The following XKR4 variants were observed in gnomAD, a reference collection of about 807,000 sequenced individuals.
XKR4 encodes XK-related protein 4.
XKR4 carries 12 observed loss-of-function variants against 53.9 expected under a neutral mutation model. The ratio of observed to expected loss-of-function variants is 0.22; its 90% confidence interval spans 0.14 to 0.36. The LOEUF (loss-of-function observed/expected upper bound fraction) is 0.36. Ranked by LOEUF, XKR4 falls within the 10% of genes least tolerant of loss-of-function variation. The probability of loss-of-function intolerance (pLI) is 1.00; values close to 1 mark genes in which losing one functional copy is unlikely to be tolerated. For synonymous variants in XKR4, 354 were observed against 362.4 expected (o/e 0.98, Z 0.26); for missense variants, 799 against 859.5 (o/e 0.93, Z 0.88).
intron 2 of XKR4, among the ~76,000 whole-genome samples, chr8:55,368,456 C>T (rs1310907721): frequency 1.3e-5 from 2 of 152,194 alleles, no homozygotes; most frequent in African/African-American, 4.8e-5. Context: ...CAGGCCCTGG[C>T]TGCTGCCCCA....
chr8:55,404,957 G>A (rs758670471), intron 2 of XKR4, among the ~76,000 whole-genome samples: 20 of 152,104 alleles, frequency 1.3e-4, no homozygotes, highest in Non-Finnish European at 2.4e-4. Flanking sequence ...GTTGCGCTGC[G>A]GCTTTATGTG....
chr8:55,487,699 C>T (rs1806215481), intron 2 of XKR4, among the ~76,000 whole-genome samples: 1 of 152,116 alleles, frequency 6.6e-6, no homozygotes, highest in Admixed American at 6.5e-5. Context: ...GAACTCCTGG[C>T]CTCATGTGAT....
At chr8:55,392,375 A>G (rs1202978812) in intron 2 of XKR4, among the ~76,000 whole-genome samples, 2 of 152,228 alleles carry the variant, frequency 1.3e-5, no homozygotes, top group African/African-American at 2.4e-5. Context: ...TTAAAAGAAA[A>G]CCAAAGCCAA....
rs1807106431 is a variant in XKR4 at position 55,541,878 on chromosome 8, GCA to G, written c.*17654_*17655del. Reference sequence around the variant, plus strand: ...GTGACCCCCAGTGCCCTAGTTTGAAGCACAGTGTGTGGAGTATTTGATGTACT... The same window carrying G: ...GTGACCCCCAGTGCCCTAGTTTGAAGCAGTGTGTGGAGTATTTGATGTACT... On this transcript the variant is annotated 3_prime_UTR_variant, in exon 3 of 3. Transcript: ENST00000327381. 1 of 152,094 alleles carries G rather than the reference GCA, an allele frequency of 6.6e-6. No homozygotes were observed. The highest frequency in any genetic ancestry group is 1.5e-5 in the Non-Finnish European group (1 of 68,010). 9.4% of individuals were successfully genotyped at this position (152,094 alleles called of 1,614,324 possible). A position where few individuals can be genotyped will look rare whatever the true frequency, so the allele number is the denominator to read the frequency against.
At chr8:55,497,807 G>T (rs1806374360) in intron 2 of XKR4, among the ~76,000 whole-genome samples, 1 of 152,204 alleles carries the variant, frequency 6.6e-6, no homozygotes, top group Non-Finnish European at 1.5e-5. Context: ...ATTCTTGTGA[G>T]ATCCAAGCCG....
At chr8:55,311,829 C>CAAAAAAAA (rs57826022) in intron 1 of XKR4, among the ~76,000 whole-genome samples, 51 of 98,586 alleles carry the variant, frequency 5.2e-4, no homozygotes, top group African/African-American at 1.6e-3. Context: ...TGTAATTTAG[C>CAAAAAAAA]AAAAAAAAAA....
At chr8:55,326,468 C>CTTTTTTTTTTTTTTTTTTTTTT (rs10666278) in intron 1 of XKR4, among the ~76,000 whole-genome samples, 1 of 111,782 alleles carries the variant, frequency 8.9e-6, no homozygotes, top group Non-Finnish European at 1.7e-5. Context: ...ATTTTTTTTC[C>CTTTTTTTTTTTTTTTTTTTTTT]TTTTTTTTTT....
intron 1 of XKR4, among the ~76,000 whole-genome samples, chr8:55,268,420 G>T (rs981295599): frequency 3.9e-5 from 6 of 152,106 alleles, no homozygotes; most frequent in Non-Finnish European, 7.4e-5. Context: ...GCACCATAGA[G>T]GAAAGACAGC....
intron 2 of XKR4, among the ~76,000 whole-genome samples, chr8:55,381,621 C>T (rs1319940167): frequency 6.6e-6 from 1 of 152,136 alleles, no homozygotes; most frequent in African/African-American, 2.4e-5. Flanking sequence ...TCTATCTGGA[C>T]CCCCAGCCAA....
intron 1 of XKR4, among the ~76,000 whole-genome samples, chr8:55,254,310 T>C (rs920517355): frequency 6.6e-6 from 1 of 152,090 alleles, no homozygotes; most frequent in African/African-American, 2.4e-5. Flanking sequence ...GAACACATTT[T>C]AAACACACTG....
intron 1 of XKR4, among the ~76,000 whole-genome samples, chr8:55,280,926 T>A (rs890950425): frequency 6.6e-6 from 1 of 152,200 alleles, no homozygotes; most frequent in Non-Finnish European, 1.5e-5. Context: ...AATCTTCCAA[T>A]GAACAGTTCT....
At chr8:55,159,650 A>T (rs1816957624) in intron 1 of XKR4, among the ~76,000 whole-genome samples, 2 of 152,238 alleles carry the variant, frequency 1.3e-5, no homozygotes, top group African/African-American at 4.8e-5. Context: ...CATCAAGTAC[A>T]AATGACCCTA....
At chr8:55,449,250 G>T (rs909541698) in intron 2 of XKR4, among the ~76,000 whole-genome samples, 1 of 152,006 alleles carries the variant, frequency 6.6e-6, no homozygotes, top group Non-Finnish European at 1.5e-5. Flanking sequence ...CAGCCAGCTG[G>T]CTGGACTATT....
At chr8:55,481,068 C>T (rs1435263881) in intron 2 of XKR4, among the ~76,000 whole-genome samples, 4 of 152,040 alleles carry the variant, frequency 2.6e-5, no homozygotes, top group African/African-American at 9.7e-5. Flanking sequence ...CATATGGAAC[C>T]AAAAAAGAGC....
At chr8:55,149,589 A>G (rs1276300784) in intron 1 of XKR4, among the ~76,000 whole-genome samples, 1 of 152,228 alleles carries the variant, frequency 6.6e-6, no homozygotes, top group Non-Finnish European at 1.5e-5. Context: ...TTTGATAACT[A>G]ACAGGGTGAT....
At chr8:55,148,082 C>CA (rs1329505121) in intron 1 of XKR4, among the ~76,000 whole-genome samples, 9 of 152,010 alleles carry the variant, frequency 5.9e-5, no homozygotes, top group East Asian at 5.8e-4. Flanking sequence ...TACAAAATTG[C>CA]AAAAAATGCA....
intron 1 of XKR4, among the ~76,000 whole-genome samples, chr8:55,158,020 T>C (rs1816933026): frequency 6.6e-6 from 1 of 152,250 alleles, no homozygotes; most frequent in Non-Finnish European, 1.5e-5. Flanking sequence ...TATATTCCTT[T>C]GAAAATATAC....
At chr8:55,456,779 G>A (rs1211291876) in intron 2 of XKR4, among the ~76,000 whole-genome samples, 1 of 152,160 alleles carries the variant, frequency 6.6e-6, no homozygotes, top group East Asian at 1.9e-4. Flanking sequence ...TCAAAGGCAT[G>A]TAGGGCAATG....
intron 2 of XKR4, among the ~76,000 whole-genome samples, chr8:55,497,000 G>A (rs1359821191): frequency 6.6e-6 from 1 of 152,140 alleles, no homozygotes; most frequent in African/African-American, 2.4e-5. Flanking sequence ...CTGCCCAGGA[G>A]CTCCCTAATC....
Sources: gnomAD v4.1 joint callset for allele counts (sites outside exome capture counted in the v4.1 genomes callset) on GRCh38, gnomAD v4.1.1 for gene constraint, MANE v1.5 for transcripts, NCBI Gene and HGNC (gene_info 2026-07-23, HGNC 2026-07-21) for gene names.